The following GRM7 variants were observed in gnomAD, a reference collection of about 807,000 sequenced individuals.
The protein encoded by GRM7 is metabotropic glutamate receptor 7.
In GRM7, 35 loss-of-function variants were observed where a neutral mutation model predicts 84.5. The observed-to-expected ratio is 0.41, with a 90% CI of 0.32 to 0.55. The LOEUF (loss-of-function observed/expected upper bound fraction) is 0.55. Among genes scored for constraint, GRM7 ranks in the 20% least tolerant of loss-of-function variants. The probability of loss-of-function intolerance (pLI) is 0.19; values close to 1 mark genes in which losing one functional copy is unlikely to be tolerated. For missense variants in GRM7, 1,003 were observed against 1,194.6 expected (o/e 0.84, Z 2.36); for synonymous variants, 487 against 455.1 (o/e 1.07, Z -0.89).
At chr3:6,945,570 A>G (rs753023862) in intron 1 of GRM7, among the ~76,000 whole-genome samples, 14,043 of 152,072 alleles carry the variant, frequency 0.092, 676 homozygotes, top group Middle Eastern at 0.12. Flanking sequence ...TCCTTTGGGT[A>G]TATACCCAGT....
intron 9 of GRM7, among the ~76,000 whole-genome samples, chr3:7,697,320 CTTTT>C (rs770677976): frequency 6.6e-6 from 1 of 151,948 alleles, no homozygotes; most frequent in Non-Finnish European, 1.5e-5. Flanking sequence ...AATTCAGCAT[CTTTT>C]TTTTATCTTC....
Position 6,943,331 on chromosome 3 carries a change from A to G in GRM7, c.519+81424A>G, listed in dbSNP as rs1320139216. ...CTATGTTTTGATTTAGATGTTTTAT[A>G]GTTTTATACATTTAGGTCTATAGTC... On this transcript the variant is annotated intron_variant, in intron 1 of 9. Coordinates refer to ENST00000357716, the MANE Select transcript of GRM7 (RefSeq NM_000844.4). Among the ~76,000 whole-genome samples, 5 of 151,946 alleles carry G rather than the reference A, an allele frequency of 3.3e-5. No homozygotes were observed. The East Asian group carries it at 7.7e-4, about 24-fold the overall frequency.
At chr3:7,501,089 A>G (rs1699868408) in intron 7 of GRM7, among the ~76,000 whole-genome samples, 1 of 152,216 alleles carries the variant, frequency 6.6e-6, no homozygotes, top group Non-Finnish European at 1.5e-5. Flanking sequence ...TTTATTGACT[A>G]TATAGAGTGT....
chr3:7,653,868 A>G (rs1699066041), intron 8 of GRM7, among the ~76,000 whole-genome samples: 1 of 152,182 alleles, frequency 6.6e-6, no homozygotes, highest in Non-Finnish European at 1.5e-5. Context: ...TTACAGATGT[A>G]GAAAGAAACA....
intron 1 of GRM7, among the ~76,000 whole-genome samples, chr3:6,910,027 T>A (rs1696712206): frequency 6.6e-6 from 1 of 152,146 alleles, no homozygotes. Context: ...GGATTTTATC[T>A]ATATAAGATA....
chr3:7,445,202 G>A (rs146431387), intron 5 of GRM7, among the ~76,000 whole-genome samples: 16 of 152,044 alleles, frequency 1.1e-4, no homozygotes, highest in African/African-American at 3.6e-4. Flanking sequence ...ATCATGGCCC[G>A]CATGAACTTT....
In GRM7 at chr3:7,172,725, T is replaced by C. The variant is rs143463568; in HGVS notation, c.736+26057T>C. 1.3e-3 allele frequency among the ~76,000 whole-genome samples: 193 copies of C among 152,236 alleles called. 1 individual carries two copies. Among genetic ancestry groups the C allele is most frequent in the East Asian group, 0.011 (56 of 5,178 alleles). ...CTTTGGAGTTCTACTTGAAAACTGA[T>C]ACTTCCTTTGAAGGATTACATCCAG... is the stretch of plus-strand genomic sequence containing the variant. On this transcript the variant is annotated intron_variant, in intron 2 of 9. Coordinates refer to ENST00000357716, the MANE Select transcript of GRM7 (RefSeq NM_000844.4).
chr3:7,066,885 T>G (rs1019452837), intron 1 of GRM7, among the ~76,000 whole-genome samples: 1 of 151,882 alleles, frequency 6.6e-6, no homozygotes, highest in Non-Finnish European at 1.5e-5. Context: ...AGTCAGTAAA[T>G]ATGACACGCC....
intron 2 of GRM7, among the ~76,000 whole-genome samples, chr3:7,182,175 T>C (rs1345077948): frequency 6.6e-6 from 1 of 152,128 alleles, no homozygotes; most frequent in African/African-American, 2.4e-5. Flanking sequence ...TTCAGAGAAT[T>C]ATGCAGCTTA....
chr3:7,265,405 AT>A (rs1213277049), intron 2 of GRM7, among the ~76,000 whole-genome samples: 2 of 152,196 alleles, frequency 1.3e-5, no homozygotes, highest in Non-Finnish European at 2.9e-5. Context: ...GGATAATATT[AT>A]TATCCACATC....
chr3:7,608,750 C>T (rs966628817), intron 8 of GRM7, among the ~76,000 whole-genome samples: 3 of 151,930 alleles, frequency 2.0e-5, no homozygotes, highest in East Asian at 1.9e-4. Flanking sequence ...TTGCTTTTGT[C>T]GTGATTGCTT....
At chr3:7,661,589 T>A (rs1197682968) in intron 8 of GRM7, among the ~76,000 whole-genome samples, 1 of 151,700 alleles carries the variant, frequency 6.6e-6, no homozygotes, top group Admixed American at 6.6e-5. Context: ...GGTCAGGAGA[T>A]CCAGACCATC....
At chr3:6,901,325 C>T (rs899970223) in intron 1 of GRM7, among the ~76,000 whole-genome samples, 4 of 152,078 alleles carry the variant, frequency 2.6e-5, no homozygotes, top group African/African-American at 4.8e-5. Flanking sequence ...GTAGGCTGGG[C>T]GCAGTGGCTC....
intron 1 of GRM7, among the ~76,000 whole-genome samples, chr3:7,006,694 T>A (rs1695192134): frequency 6.6e-6 from 1 of 152,200 alleles, no homozygotes; most frequent in African/African-American, 2.4e-5. Flanking sequence ...TTAATTTTCA[T>A]AATTGAGAAA....
chr3:7,053,088 T>A lies in GRM7; in HGVS notation c.520-93364T>A, dbSNP rs138064398. Among the ~76,000 whole-genome samples the A allele has an allele frequency of 9.6e-4, 144 of 150,346 alleles. 1 individual carries two copies. In the East Asian group the frequency reaches 0.02, roughly 21 times the overall value. ...TTGTTTTTCTTGGGTTTTTTTTTTT[T>A]AAAATAATTCTAGTTGGAGTGTATT... is the stretch of plus-strand genomic sequence containing the variant. On this transcript the variant is annotated intron_variant, in intron 1 of 9. Coordinates refer to ENST00000357716, the MANE Select transcript of GRM7 (RefSeq NM_000844.4).
At chr3:7,644,037 A>ACCCCT (rs1698490757) in intron 8 of GRM7, among the ~76,000 whole-genome samples, 25 of 59,478 alleles carry the variant, frequency 4.2e-4, no homozygotes. Context: ...CACACACACC[A>ACCCCT]TATATAAAAT....
intron 1 of GRM7, among the ~76,000 whole-genome samples, chr3:6,887,987 G>A (rs1246992195): frequency 3.3e-5 from 5 of 152,146 alleles, no homozygotes; most frequent in African/African-American, 4.8e-5. Flanking sequence ...GCCAGTGATG[G>A]TGAGCATTTT....
chr3:6,879,147 G>A (rs898950004), intron 1 of GRM7, among the ~76,000 whole-genome samples: 4 of 151,860 alleles, frequency 2.6e-5, no homozygotes, highest in Admixed American at 2.6e-4. Flanking sequence ...AATAAGATAC[G>A]TAAGTCCTAC....
chr3:7,108,670 A>G (rs1188907105), intron 1 of GRM7, among the ~76,000 whole-genome samples: 2 of 152,038 alleles, frequency 1.3e-5, no homozygotes, highest in Non-Finnish European at 2.9e-5. Flanking sequence ...ACACCACACC[A>G]GATTAGAGGC....
Sources: gnomAD v4.1 joint callset for allele counts (sites outside exome capture counted in the v4.1 genomes callset) on GRCh38, gnomAD v4.1.1 for gene constraint, MANE v1.5 for transcripts, NCBI Gene and HGNC (gene_info 2026-07-23, HGNC 2026-07-21) for gene names.